DLG1: variants seen among roughly 807,000 people sequenced by gnomAD.
The protein encoded by DLG1 is discs large MAGUK scaffold protein 1.
A neutral mutation model predicts 123.4 loss-of-function variants in DLG1; 42 were observed. The observed-to-expected ratio is 0.34, with a 90% CI of 0.27 to 0.44. The LOEUF is 0.44. Among genes scored for constraint, DLG1 ranks in the 20% least tolerant of loss-of-function variants. The probability of loss-of-function intolerance (pLI) is 1.00; values close to 1 mark genes in which losing one functional copy is unlikely to be tolerated. For synonymous variants in DLG1, 317 were observed against 356.2 expected, an observed-to-expected ratio of 0.89 and a Z score of 1.24; for missense variants, 942 against 1,082.6, an observed-to-expected ratio of 0.87 and a Z score of 1.82.
intron 16 of DLG1, 101 bp downstream of exon 16, chr3:197,085,479 T>A: frequency 8.5e-7 from 1 of 1,173,868 alleles, no homozygotes; most frequent in South Asian, 1.3e-5. Context: ...ATTAGAATAA[T>A]GCACTCCAGG....
intron 17 of DLG1, among the ~76,000 whole-genome samples, chr3:197,079,948 T>G (rs926858800): frequency 1.3e-5 from 2 of 152,046 alleles, no homozygotes; most frequent in African/African-American, 4.8e-5. Flanking sequence ...TGAGTTAACA[T>G]TCCACATTCA....
At chr3:197,139,321 T>A (rs960332588) in intron 8 of DLG1, among the ~76,000 whole-genome samples, 1 of 152,184 alleles carries the variant, frequency 6.6e-6, no homozygotes, top group African/African-American at 2.4e-5. Context: ...ACATGAATGG[T>A]CAAATGATTA....
At chr3:197,061,589 G>A (rs974690944) in intron 22 of DLG1, among the ~76,000 whole-genome samples, 5 of 64,074 alleles carry the variant, frequency 7.8e-5, no homozygotes, top group Admixed American at 2.9e-4. Context: ...CAGTTCCTCA[G>A]TCTTTTGTCT....
intron 16 of DLG1, among the ~76,000 whole-genome samples, chr3:197,082,508 A>G (rs1329322726): frequency 6.6e-6 from 1 of 152,202 alleles, no homozygotes; most frequent in Admixed American, 6.5e-5. Flanking sequence ...TTAGTGGGTG[A>G]GCATTTACAA....
intron 5 of DLG1, among the ~76,000 whole-genome samples, chr3:197,156,215 T>C (rs1344917036): frequency 1.3e-5 from 2 of 152,308 alleles, no homozygotes; most frequent in East Asian, 1.9e-4. Flanking sequence ...TTGTATATTA[T>C]TGCAGTTAAG....
chr3:197,227,661 C>T (rs1280791938), intron 4 of DLG1, among the ~76,000 whole-genome samples: 8 of 152,156 alleles, frequency 5.3e-5, no homozygotes, highest in Non-Finnish European at 8.8e-5. Context: ...AATTCCCTTA[C>T]CACCAACCAT....
intron 23 of DLG1, among the ~76,000 whole-genome samples, chr3:197,054,452 T>C (rs539434360): frequency 1.4e-5 from 2 of 145,048 alleles, no homozygotes; most frequent in South Asian, 4.4e-4. Context: ...GCAGACTAAA[T>C]AATTTCCATT....
In DLG1 at chr3:197,251,908, G is replaced by A. The variant is rs146383897; in HGVS notation, c.318+30771C>T. 3.0e-4 allele frequency among the ~76,000 whole-genome samples: 46 copies of A among 152,354 alleles called. No individual in the cohort carries two copies. The East Asian group carries it at 8.5e-3, about 28-fold the overall frequency. ...ACATTTCTCAATAGACCTGTCGAGT[G>A]TGGGAAACAATGCCCAGTACATGGT... is the stretch of plus-strand genomic sequence containing the variant. On this transcript the variant is annotated intron_variant, in intron 4 of 24. Coordinates refer to ENST00000667157, the MANE Select transcript of DLG1 (RefSeq NM_001366207.1).
chr3:197,266,475 G>T (rs1171394055), intron 4 of DLG1, among the ~76,000 whole-genome samples: 1 of 152,006 alleles, frequency 6.6e-6, no homozygotes, highest in Non-Finnish European at 1.5e-5. Flanking sequence ...TGCCCAGCCT[G>T]GTGGTATACA....
At chr3:197,083,085 C>A (rs1752174896) in intron 16 of DLG1, among the ~76,000 whole-genome samples, 1 of 152,166 alleles carries the variant, frequency 6.6e-6, no homozygotes, top group Admixed American at 6.5e-5. Flanking sequence ...AAAAGTTATG[C>A]TGATTGCTGC....
rs115679676 is a variant in DLG1 at position 197,275,461 on chromosome 3, C to T, written c.318+7218G>A. Among the ~76,000 whole-genome samples the T allele has an allele frequency of 2.6e-3, 390 of 152,314 alleles. 2 individuals are homozygous for T. The highest frequency in any genetic ancestry group is 8.7e-3 in the African/African-American group (363 of 41,566). Reference sequence around the variant, plus strand: ...CTACATGCCCATGTTTATCGCACCACTATTCACCACTGCCACGATAGGGAA... The same window carrying T: ...CTACATGCCCATGTTTATCGCACCATTATTCACCACTGCCACGATAGGGAA... On this transcript the variant is annotated intron_variant, in intron 4 of 24. Transcript: ENST00000667157.
chr3:197,087,196 T>A (rs1754908328), intron 15 of DLG1, among the ~76,000 whole-genome samples: 1 of 152,226 alleles, frequency 6.6e-6, no homozygotes, highest in African/African-American at 2.4e-5. Context: ...ATTCTTAATG[T>A]TTATTTCTTT....
chr3:197,082,015 T>C (rs921868126), intron 16 of DLG1, among the ~76,000 whole-genome samples: 2 of 152,246 alleles, frequency 1.3e-5, no homozygotes, highest in African/African-American at 4.8e-5. Flanking sequence ...ATTTTATTTT[T>C]TCCTTATTAT....
intron 5 of DLG1, among the ~76,000 whole-genome samples, chr3:197,164,739 T>TA (rs145314765): frequency 0.21 from 27,336 of 130,210 alleles, 2,790 homozygotes; most frequent in African/African-American, 0.25. Flanking sequence ...CCGTCTCTAC[T>TA]AAAAAAAAAA....
At position 197,226,159 on chromosome 3, in the gene DLG1, T is replaced by G. The variant is rs985460674; in HGVS notation, c.319-31570A>C. On this transcript the variant is annotated intron_variant, in intron 4 of 24. Coordinates refer to ENST00000667157, the MANE Select transcript of DLG1 (RefSeq NM_001366207.1). ...CAGGTCGGTATACTATGATTGGAAT[T>G]AAAATGCTGTTTCTTTTTCCTGCAT... 3.9e-5 allele frequency: 6 copies of G among 152,222 alleles called. No individual in the cohort carries two copies. The East Asian group carries it at 1.2e-3, about 29-fold the overall frequency. 9.4% of individuals were successfully genotyped at this position (152,222 alleles called of 1,614,324 possible).
chr3:197,146,766 A>G (rs1025155241), intron 6 of DLG1, among the ~76,000 whole-genome samples: 1 of 152,226 alleles, frequency 6.6e-6, no homozygotes, highest in Non-Finnish European at 1.5e-5. Context: ...AGAACCCAAA[A>G]GCAAATCCAA....
At chr3:197,222,202 T>C (rs1737475113) in intron 4 of DLG1, among the ~76,000 whole-genome samples, 1 of 151,894 alleles carries the variant, frequency 6.6e-6, no homozygotes, top group Admixed American at 6.6e-5. Flanking sequence ...ACTAGGAGAG[T>C]CCGTGTGACA....
intron 5 of DLG1, among the ~76,000 whole-genome samples, chr3:197,179,203 G>T (rs13070996): frequency 0.25 from 38,178 of 152,140 alleles, 5,917 homozygotes; most frequent in East Asian, 0.72. Flanking sequence ...GTGGTGACAG[G>T]CTAAAAGGGA....
intron 14 of DLG1, among the ~76,000 whole-genome samples, chr3:197,093,647 C>T (rs1759039143): frequency 1.3e-5 from 2 of 151,400 alleles, no homozygotes; most frequent in African/African-American, 2.4e-5. Context: ...ATGTACTGCA[C>T]AGGGTTAAAT....
Sources: allele counts gnomAD v4.1 joint callset (sites outside exome capture counted in the v4.1 genomes callset), GRCh38; gene constraint gnomAD v4.1.1; transcripts MANE v1.5; gene names NCBI Gene and HGNC (gene_info 2026-07-23, HGNC 2026-07-21).